CACNA1C: variants seen among roughly 807,000 people sequenced by gnomAD.
The protein encoded by CACNA1C is calcium voltage-gated channel subunit alpha1 C.
In CACNA1C, 30 loss-of-function variants were observed where a neutral mutation model predicts 229.0. The ratio of observed to expected loss-of-function variants is 0.13; its 90% CI spans 0.10 to 0.18. The LOEUF is 0.18. CACNA1C is among the 10% of genes least tolerant of loss of function. CACNA1C has a pLI of 1.00. For synonymous variants in CACNA1C, 1,114 were observed against 1,132.5 expected, an observed-to-expected ratio of 0.98 and a Z score of 0.33; for missense variants, 1,658 against 2,845.0, an observed-to-expected ratio of 0.58 and a Z score of 9.49.
intron 30 of CACNA1C, among the ~76,000 whole-genome samples, chr12:2,643,139 G>T: frequency 6.6e-6 from 1 of 152,234 alleles, no homozygotes; most frequent in Non-Finnish European, 1.5e-5. Context: ...TTCTGAAGGG[G>T]CATTTCAACT....
At chr12:2,382,610 A>G (rs1005587315) in intron 3 of CACNA1C, among the ~76,000 whole-genome samples, 3 of 152,180 alleles carry the variant, frequency 2.0e-5, no homozygotes, top group Admixed American at 2.0e-4. Context: ...TTATGTGAAC[A>G]TCGAGGCTGT....
At chr12:2,638,245 G>T (rs567560694) in intron 30 of CACNA1C, among the ~76,000 whole-genome samples, 5 of 152,354 alleles carry the variant, frequency 3.3e-5, no homozygotes, top group South Asian at 2.1e-4. Context: ...GTGCTGGGGA[G>T]CAGTGATGGC....
intron 29 of CACNA1C, among the ~76,000 whole-genome samples, chr12:2,629,550 T>G (rs1168915561): frequency 6.6e-6 from 1 of 152,196 alleles, no homozygotes; most frequent in East Asian, 1.9e-4. Flanking sequence ...AACTCTGTGC[T>G]TTATCCCATG....
chr12:2,393,052 C>A (rs1475580496), intron 3 of CACNA1C, among the ~76,000 whole-genome samples: 1 of 152,090 alleles, frequency 6.6e-6, no homozygotes, highest in African/African-American at 2.4e-5. Context: ...AAACACATGC[C>A]CCTCAGCCAG....
At chr12:2,446,605 G>A (rs1478838085) in intron 3 of CACNA1C, among the ~76,000 whole-genome samples, 1 of 151,582 alleles carries the variant, frequency 6.6e-6, no homozygotes, top group Non-Finnish European at 1.5e-5. Flanking sequence ...GTGGGTGGCT[G>A]GCTGGATAGG....
At chr12:2,044,370 C>T (rs1387936949) in intron 1 of CACNA1C, among the ~76,000 whole-genome samples, 1 of 152,160 alleles carries the variant, frequency 6.6e-6, no homozygotes, top group Non-Finnish European at 1.5e-5. Flanking sequence ...TCATGAGAGT[C>T]ACTACTGAGA....
chr12:2,350,804 CAG>C (rs2097183022), intron 3 of CACNA1C, among the ~76,000 whole-genome samples: 1 of 152,226 alleles, frequency 6.6e-6, no homozygotes, highest in Non-Finnish European at 1.5e-5. Context: ...CGCAGGACAC[CAG>C]AGTCTTCAGG....
At chr12:2,015,026 C>G (rs2045106988) in intron 1 of CACNA1C, among the ~76,000 whole-genome samples, 1 of 152,176 alleles carries the variant, frequency 6.6e-6, no homozygotes, top group African/African-American at 2.4e-5. Context: ...TCAGCTTTCT[C>G]CTGTTCTCCT....
At chr12:2,463,079 A>AT (rs1185431840) in intron 5 of CACNA1C, among the ~76,000 whole-genome samples, 4 of 71,996 alleles carry the variant, frequency 5.6e-5, no homozygotes, top group Non-Finnish European at 1.0e-4. Flanking sequence ...CGCCCGGCTA[A>AT]TTTTTGTATT....
At chr12:2,406,832 G>T (rs2154552408) in intron 3 of CACNA1C, among the ~76,000 whole-genome samples, 1 of 152,366 alleles carries the variant, frequency 6.6e-6, no homozygotes, top group Non-Finnish European at 1.5e-5. Flanking sequence ...TATGAGGAAT[G>T]ATTTCCAATT....
At chr12:2,549,361 G>T (rs1469302506) in intron 9 of CACNA1C, among the ~76,000 whole-genome samples, 1 of 152,094 alleles carries the variant, frequency 6.6e-6, no homozygotes, top group Non-Finnish European at 1.5e-5. Flanking sequence ...CATGGCTCTG[G>T]GGATGGCCAT....
At chr12:2,324,389 G>T (rs1444164993) in intron 3 of CACNA1C, among the ~76,000 whole-genome samples, 1 of 152,168 alleles carries the variant, frequency 6.6e-6, no homozygotes, top group East Asian at 1.9e-4. Context: ...GACAAGCCGC[G>T]CCCTTGCTGC....
chr12:2,284,738 G>A lies in CACNA1C; in HGVS notation c.478-164238G>A, dbSNP rs563060810. Among the ~76,000 whole-genome samples the A allele has an allele frequency of 7.9e-5, 12 of 152,346 alleles. No homozygotes were observed. The South Asian group carries it at 1.0e-3, about 13-fold the overall frequency. ...TTTCCTGACTGAGTGGCAGTTGGACGAGACACTTCTGCCCCTAAGCTGCAG... is the reference window on the plus strand; with the variant it reads ...TTTCCTGACTGAGTGGCAGTTGGACAAGACACTTCTGCCCCTAAGCTGCAG... On this transcript the variant is annotated intron_variant, in intron 3 of 46. Coordinates refer to ENST00000399655, the MANE Select transcript of CACNA1C (RefSeq NM_000719.7).
chr12:2,594,972 C>G (rs191076919), intron 19 of CACNA1C, among the ~76,000 whole-genome samples: 2 of 152,212 alleles, frequency 1.3e-5, no homozygotes, highest in African/African-American at 2.4e-5. Context: ...CTGGCTGGCT[C>G]TCTCTCCATA....
rs755430543 is a variant in CACNA1C at position 2,691,057 on chromosome 12, G to C, written c.6275G>C (p.Gly2092Ala). The C allele has an allele frequency of 8.1e-6, 13 of 1,607,452 alleles. No individual in the cohort carries two copies. Among genetic ancestry groups the C allele is most frequent in the African/African-American group, 5.3e-5 (4 of 74,784 alleles). ...LSGGAPQSPN[G>A]ALLPFVNCRD... ...GGGGGCGCCCCACAGAGCCCCAATG[G>C]CGCCCTCTTACCCTTTGTGAACTGC... Residue 2092 changes from glycine (G) to alanine (A), a missense_variant, in exon 47 of 47, where the codon GGC becomes GCC. By Grantham distance (60) the Gly-to-Ala change is moderately conservative (BLOSUM62 0). Coordinates refer to ENST00000399655, the MANE Select transcript of CACNA1C (RefSeq NM_000719.7).
chr12:2,517,539 G>A (rs912032782), intron 9 of CACNA1C, among the ~76,000 whole-genome samples: 3 of 152,262 alleles, frequency 2.0e-5, no homozygotes, highest in Admixed American at 6.5e-5. Context: ...GCATGTTTAT[G>A]TACTGTTGCC....
chr12:2,328,618 C>T (rs56740490), intron 3 of CACNA1C, among the ~76,000 whole-genome samples: 13,600 of 152,174 alleles, frequency 0.089, 1,811 homozygotes, highest in African/African-American at 0.29. Flanking sequence ...GTATGGAAAA[C>T]ATAGGTGGGC....
At position 2,651,224 on chromosome 12, in the gene CACNA1C, CCAGA is replaced by C. The variant is rs2094934596; in HGVS notation, c.3946-413_3946-410del. On this transcript the variant is annotated intron_variant, in intron 31 of 46. Coordinates refer to ENST00000399655, the MANE Select transcript of CACNA1C (RefSeq NM_000719.7). This position sits in a 1 kb window ranked among gnomAD's most constrained non-coding sequence, Gnocchi z 5.4. Reference sequence around the variant, plus strand: ...CCACTTAGGACACAGGACTGTCTGCCCAGACAAACGGGAGACAGGCTAGGACTGC... The same window carrying C: ...CCACTTAGGACACAGGACTGTCTGCCCAAACGGGAGACAGGCTAGGACTGC... The C allele has an allele frequency of 4.9e-6, 1 of 203,966 alleles. No individual in the cohort carries two copies. The highest frequency in any genetic ancestry group is 1.5e-4 in the South Asian group (1 of 6,594). The allele number at this position is 203,966 out of a possible 1,614,324, so 12.6% of individuals were successfully genotyped here. A position where few individuals can be genotyped will look rare whatever the true frequency, so the allele number is the denominator to read the frequency against.
At chr12:2,402,705 A>G (rs1426092521) in intron 3 of CACNA1C, among the ~76,000 whole-genome samples, 1 of 152,228 alleles carries the variant, frequency 6.6e-6, no homozygotes, top group Non-Finnish European at 1.5e-5. Flanking sequence ...ATAGCCTTGC[A>G]TCGCCATTCA....
Sources: gnomAD v4.1 joint callset for allele counts (sites outside exome capture counted in the v4.1 genomes callset) on GRCh38, gnomAD v4.1.1 for gene constraint, Gnocchi (gnomAD v3.1) non-coding constraint, MANE v1.5 for transcripts, NCBI Gene and HGNC (gene_info 2026-07-23, HGNC 2026-07-21) for gene names.